Variants in HDAC9 observed in about 807,000 individuals in gnomAD.
The protein encoded by HDAC9 is histone deacetylase 9.
In HDAC9, 41 loss-of-function variants were observed where a neutral mutation model predicts 139.4. The observed-to-expected ratio is 0.29, with a 90% CI of 0.23 to 0.38. The LOEUF (loss-of-function observed/expected upper bound fraction) is 0.38, where lower values mean the gene tolerates loss of function less well. Ranked by LOEUF, HDAC9 falls within the 10% of genes least tolerant of loss-of-function variation. The probability of loss-of-function intolerance (pLI) is 1.00; values close to 1 mark genes in which losing one functional copy is unlikely to be tolerated. For synonymous variants in HDAC9, 517 were observed against 476.2 expected (o/e 1.09, Z -1.12); for missense variants, 1,147 against 1,297.0 (o/e 0.88, Z 1.78).
At chr7:18,782,822 G>T (rs927620291) in intron 16 of HDAC9, among the ~76,000 whole-genome samples, 1 of 152,008 alleles carries the variant, frequency 6.6e-6, no homozygotes, top group Non-Finnish European at 1.5e-5. Flanking sequence ...TATGAGGAAG[G>T]AGTATTATTC....
chr7:18,868,627 G>T (rs1343506950), intron 21 of HDAC9, among the ~76,000 whole-genome samples: 2 of 152,064 alleles, frequency 1.3e-5, no homozygotes, highest in Non-Finnish European at 2.9e-5. Context: ...CATAGTTCTT[G>T]CTACAGTTTT....
At chr7:18,825,860 C>T (rs989057411) in intron 17 of HDAC9, among the ~76,000 whole-genome samples, 7 of 147,388 alleles carry the variant, frequency 4.7e-5, no homozygotes, top group Non-Finnish European at 7.5e-5. Flanking sequence ...ACACACATAT[C>T]GTATATTATG....
chr7:18,327,728 A>G (rs1203605291), intron 1 of HDAC9: 3 of 151,978 alleles, frequency 2.0e-5, no homozygotes, highest in Non-Finnish European at 4.4e-5. Flanking sequence ...AGTTGAATAA[A>G]TGGCAAAATA....
At chr7:18,717,250 A>T (rs569706628) in intron 12 of HDAC9, among the ~76,000 whole-genome samples, 2 of 152,182 alleles carry the variant, frequency 1.3e-5, no homozygotes, top group South Asian at 4.1e-4. Context: ...TACACCTGTT[A>T]ATCCAGCTTC....
intron 6 of HDAC9, among the ~76,000 whole-genome samples, chr7:18,610,873 T>C (rs1836925154): frequency 6.6e-6 from 1 of 152,216 alleles, no homozygotes; most frequent in African/African-American, 2.4e-5. Context: ...ATGTACACAT[T>C]GCACCTCCAT....
intron 1 of HDAC9, among the ~76,000 whole-genome samples, chr7:18,314,170 T>C (rs1369140171): frequency 6.6e-6 from 1 of 152,182 alleles, no homozygotes; most frequent in African/African-American, 2.4e-5. Flanking sequence ...ATAGCTATGC[T>C]GTTAGCAATG....
intron 2 of HDAC9, among the ~76,000 whole-genome samples, chr7:18,270,721 A>G (rs982817418): frequency 6.6e-6 from 1 of 152,168 alleles, no homozygotes; most frequent in African/African-American, 2.4e-5. Context: ...TTTTGGTAGT[A>G]TGATTACATT....
chr7:18,541,886 C>A (rs940964152), intron 2 of HDAC9, among the ~76,000 whole-genome samples: 1 of 152,154 alleles, frequency 6.6e-6, no homozygotes, highest in South Asian at 2.1e-4. Context: ...AAATCTTTCT[C>A]TCTGGCCTAG....
At chr7:18,994,751 CT>C (rs897837971) in intron 25 of HDAC9, among the ~76,000 whole-genome samples, 1 of 152,062 alleles carries the variant, frequency 6.6e-6, no homozygotes, top group East Asian at 1.9e-4. Flanking sequence ...GAAATCTTGG[CT>C]TTTTTTCTTA....
Position 18,394,641 on chromosome 7 carries a change from A to T in HDAC9, c.-41-101621A>T, listed in dbSNP as rs78757772. The stretch of plus-strand genomic sequence containing the variant: ...GTATCTGTGTGTGGAAAGTTTCACA[A>T]GTTATTTTAAAGTATATCTTGAGGA... On this transcript the variant is annotated intron_variant, in intron 1 of 3. Coordinates refer to the HDAC9 transcript ENST00000413509. 5.0e-3 allele frequency among the ~76,000 whole-genome samples: 763 copies of T among 152,086 alleles called. 39 individuals carry two copies. The East Asian group carries it at 0.12, about 23-fold the overall frequency.
At chr7:18,991,577 C>T (rs1785965806) in intron 25 of HDAC9, among the ~76,000 whole-genome samples, 1 of 151,222 alleles carries the variant, frequency 6.6e-6, no homozygotes, top group Non-Finnish European at 1.5e-5. Context: ...GCGGAGCTTG[C>T]AGTGAGCGGA....
At chr7:18,570,066 C>T (rs1446206000) in intron 2 of HDAC9, among the ~76,000 whole-genome samples, 1 of 151,992 alleles carries the variant, frequency 6.6e-6, no homozygotes, top group African/African-American at 2.4e-5. Context: ...CTGATATAAC[C>T]CAATGGGATT....
intron 6 of HDAC9, among the ~76,000 whole-genome samples, chr7:18,613,240 G>C (rs1289705593): frequency 1.3e-5 from 2 of 151,698 alleles, no homozygotes; most frequent in African/African-American, 2.4e-5. Flanking sequence ...ATTTTTTTAA[G>C]AGTTTCATTA....
intron 21 of HDAC9, among the ~76,000 whole-genome samples, chr7:18,843,911 A>G (rs1017165643): frequency 6.6e-6 from 1 of 152,286 alleles, no homozygotes; most frequent in East Asian, 1.9e-4. Context: ...ACTTTGCTCA[A>G]CTGAAGGTCT....
chr7:18,240,605 TG>T (rs1424872401), intron 2 of HDAC9, among the ~76,000 whole-genome samples: 1 of 152,198 alleles, frequency 6.6e-6, no homozygotes, highest in African/African-American at 2.4e-5. Flanking sequence ...AATTTTTTTT[TG>T]TACAGTATCC....
chr7:18,481,134 T>C (rs1040909536), intron 1 of HDAC9, among the ~76,000 whole-genome samples: 1 of 152,146 alleles, frequency 6.6e-6, no homozygotes, highest in African/African-American at 2.4e-5. Context: ...TGCTGGTTTT[T>C]TGGAGAGGGC....
At chr7:18,107,478 C>A (rs771808276) in intron 1 of HDAC9, among the ~76,000 whole-genome samples, 10 of 152,044 alleles carry the variant, frequency 6.6e-5, no homozygotes, top group Non-Finnish European at 1.3e-4. Context: ...TAGATGGCTT[C>A]ATTGAAATAC....
chr7:18,570,814 A>T (rs755763576), intron 2 of HDAC9, among the ~76,000 whole-genome samples: 1 of 152,386 alleles, frequency 6.6e-6, no homozygotes, highest in Non-Finnish European at 1.5e-5. Flanking sequence ...GATGTTTGTT[A>T]TACAGTAAGT....
At chr7:18,585,178 G>T (rs10228641) in intron 2 of HDAC9, 103 bp from the exon 3 acceptor site, 3 of 1,307,442 alleles carry the variant, frequency 2.3e-6, no homozygotes, top group African/African-American at 3.0e-5. Flanking sequence ...AAAATTTGTT[G>T]TACAGGGTCT....
Sources: allele counts gnomAD v4.1 joint callset (sites outside exome capture counted in the v4.1 genomes callset), GRCh38; gene constraint gnomAD v4.1.1; transcripts MANE v1.5; gene names NCBI Gene and HGNC (gene_info 2026-07-23, HGNC 2026-07-21).